The following SGCD variants were observed in gnomAD, a reference collection of about 807,000 sequenced individuals.
The protein encoded by SGCD is sarcoglycan delta.
In SGCD, 18 loss-of-function variants were observed where a neutral mutation model predicts 36.6. The observed-to-expected ratio is 0.49, with a 90% CI of 0.34 to 0.73. SGCD has a LOEUF of 0.73. Among genes scored for constraint, SGCD ranks in the 30% least tolerant of loss-of-function variants. The probability of loss-of-function intolerance (pLI) is 0.01; values close to 1 mark genes in which losing one functional copy is unlikely to be tolerated. For synonymous variants in SGCD, 133 were observed against 130.6 expected, an observed-to-expected ratio of 1.02 and a Z score of -0.12; for missense variants, 387 against 346.7, an observed-to-expected ratio of 1.12 and a Z score of -0.92.
intron 6 of SGCD, among the ~76,000 whole-genome samples, chr5:156,613,957 C>T (rs921137484): frequency 6.6e-6 from 1 of 152,040 alleles, no homozygotes; most frequent in Non-Finnish European, 1.5e-5. Context: ...TGGCTTCCTT[C>T]CTTCCTTCCT....
chr5:156,308,678 C>G (rs1767305568), intron 3 of SGCD, among the ~76,000 whole-genome samples: 1 of 152,082 alleles, frequency 6.6e-6, no homozygotes, highest in Non-Finnish European at 1.5e-5. Flanking sequence ...AAATCCACAC[C>G]CATGATCCCA....
At chr5:156,697,493 A>G (rs1253907157) in intron 7 of SGCD, among the ~76,000 whole-genome samples, 12 of 152,114 alleles carry the variant, frequency 7.9e-5, no homozygotes, top group Non-Finnish European at 1.6e-4. Context: ...CTTAATCTAG[A>G]GAATCCTGAC....
chr5:155,793,127 A>C, the SGCD span, among the ~76,000 whole-genome samples: 105 of 152,224 alleles, frequency 6.9e-4, 1 homozygote, highest in Non-Finnish European at 1.6e-4. Context: ...GCTGGAGGCC[A>C]TTATCCTAAG....
At chr5:156,038,659 A>T (rs965099925) in intron 1 of SGCD, among the ~76,000 whole-genome samples, 2 of 152,138 alleles carry the variant, frequency 1.3e-5, no homozygotes, top group Non-Finnish European at 2.9e-5. Flanking sequence ...GAGTCAAGAA[A>T]GCAAAATTTA....
chr5:156,508,450 A>G (rs928382710), intron 3 of SGCD, 151 bp from the exon 4 acceptor site: 1 of 603,126 alleles, frequency 1.7e-6, no homozygotes, highest in Admixed American at 2.9e-5. Flanking sequence ...AATACCTCCT[A>G]ATATTTTACA....
At chr5:156,706,657 C>T (rs149677545) in intron 7 of SGCD, among the ~76,000 whole-genome samples, 129 of 152,168 alleles carry the variant, frequency 8.5e-4, no homozygotes, top group Middle Eastern at 3.4e-3. Flanking sequence ...TATGTTCCCT[C>T]AGCAATCAGA....
intron 3 of SGCD, among the ~76,000 whole-genome samples, chr5:156,227,950 T>C (rs1231123361): frequency 6.6e-6 from 1 of 152,182 alleles, no homozygotes; most frequent in Non-Finnish European, 1.5e-5. Context: ...TTGCATGGTT[T>C]TGAAGGTTCC....
intron 3 of SGCD, among the ~76,000 whole-genome samples, chr5:156,124,964 G>A (rs1233757160): frequency 6.6e-6 from 1 of 152,124 alleles, no homozygotes; most frequent in East Asian, 1.9e-4. Flanking sequence ...AGCAAGAAAG[G>A]GTCAGGGGCC....
chr5:156,760,251 AG>A lies in SGCD; in HGVS notation c.*862del, dbSNP rs1216607342. 1 of 152,248 alleles carries A rather than the reference AG, an allele frequency of 6.6e-6. No individual in the cohort carries two copies. Among genetic ancestry groups the A allele is most frequent in the Non-Finnish European group, 1.5e-5 (1 of 68,048 alleles). The allele number at this position is 152,248 out of a possible 1,614,324, so 9.4% of individuals were successfully genotyped here. On this transcript the variant is annotated 3_prime_UTR_variant, in exon 9 of 9. Coordinates refer to ENST00000337851, the MANE Select transcript of SGCD (RefSeq NM_000337.6). The stretch of plus-strand genomic sequence containing the variant: ...CTGTTTAAGGGAAAAATGGCTTAAA[AG>A]CTGTTCTGTTCTCACTTCTGACTTT...
At chr5:155,783,677 C>G in the SGCD span, among the ~76,000 whole-genome samples, 1 of 152,038 alleles carries the variant, frequency 6.6e-6, no homozygotes, top group Non-Finnish European at 1.5e-5. Context: ...TAGTAAAACA[C>G]TTGTTCACTT....
intron 4 of SGCD, among the ~76,000 whole-genome samples, chr5:156,512,011 T>C (rs1368040897): frequency 6.6e-6 from 1 of 151,950 alleles, no homozygotes; most frequent in African/African-American, 2.4e-5. Context: ...CTGGCCAAGA[T>C]GGTGCAACCC....
chr5:156,606,482 T>A lies in SGCD; in HGVS notation c.502+11431T>A, dbSNP rs539968927. 8.1e-4 allele frequency among the ~76,000 whole-genome samples: 123 copies of A among 152,344 alleles called. 1 individual carries two copies. The highest frequency in any genetic ancestry group is 5.7e-3 in the Admixed American group (87 of 15,300). ...TATAGTTTGATGTCAGGTAGCATGA[T>A]GCCTCCAGCTTTGTTCTTTTAGCTT... On this transcript the variant is annotated intron_variant, in intron 6 of 8. Transcript: ENST00000337851.
At chr5:156,480,121 G>A (rs975240973) in intron 3 of SGCD, among the ~76,000 whole-genome samples, 4 of 152,186 alleles carry the variant, frequency 2.6e-5, no homozygotes, top group African/African-American at 9.7e-5. Flanking sequence ...CAGTGAGCAT[G>A]TTCCCTTGGT....
intron 7 of SGCD, among the ~76,000 whole-genome samples, chr5:156,715,145 T>C (rs1213718777): frequency 6.6e-6 from 1 of 152,224 alleles, no homozygotes; most frequent in African/African-American, 2.4e-5. Flanking sequence ...TCAGTCATCA[T>C]ATGGCTTGCC....
intron 6 of SGCD, among the ~76,000 whole-genome samples, chr5:156,602,406 C>A (rs762343487): frequency 6.6e-6 from 1 of 151,996 alleles, no homozygotes; most frequent in Non-Finnish European, 1.5e-5. Flanking sequence ...TTATCATCTG[C>A]AAACAGGGAC....
chr5:155,737,199 A>G, the SGCD span, among the ~76,000 whole-genome samples: 4 of 152,230 alleles, frequency 2.6e-5, no homozygotes, highest in Non-Finnish European at 5.9e-5. Flanking sequence ...ATCTTCTTCT[A>G]TGGCTTGCAA....
At chr5:156,156,034 A>G (rs1011609602) in intron 3 of SGCD, among the ~76,000 whole-genome samples, 4 of 151,660 alleles carry the variant, frequency 2.6e-5, no homozygotes, top group Admixed American at 2.6e-4. Flanking sequence ...ATGTGCATTG[A>G]TCTTTTCTAC....
At chr5:156,280,393 C>G (rs566244209) in intron 3 of SGCD, among the ~76,000 whole-genome samples, 2 of 152,260 alleles carry the variant, frequency 1.3e-5, no homozygotes, top group Non-Finnish European at 2.9e-5. Flanking sequence ...AAAACATTCA[C>G]CTACAGGGTC....
At chr5:156,090,036 A>T (rs1050630913) in intron 1 of SGCD, among the ~76,000 whole-genome samples, 1 of 152,164 alleles carries the variant, frequency 6.6e-6, no homozygotes, top group Admixed American at 6.5e-5. Context: ...GGTCCCTGAC[A>T]TCTCTGCTTC....
Sources: gnomAD v4.1 joint callset for allele counts (sites outside exome capture counted in the v4.1 genomes callset) on GRCh38, gnomAD v4.1.1 for gene constraint, MANE v1.5 for transcripts, NCBI Gene and HGNC (gene_info 2026-07-23, HGNC 2026-07-21) for gene names.